LANCL3: variants seen among roughly 807,000 people sequenced by gnomAD.
LANCL3 encodes lanC-like protein 3.
In LANCL3, 19 loss-of-function variants were observed where a neutral mutation model predicts 26.5. The ratio of observed to expected loss-of-function variants is 0.72; its 90% confidence interval spans 0.50 to 1.05. LANCL3 has a LOEUF of 1.05. LANCL3 is among the 50% of genes least tolerant of loss of function. LANCL3 has a pLI of 0.00. For synonymous variants in LANCL3, 160 were observed against 166.6 expected (o/e 0.96, Z 0.30); for missense variants, 318 against 362.7 (o/e 0.88, Z 1.00).
Position 37,681,180 on chromosome X carries a change from A to T in LANCL3, c.*5367A>T, listed in dbSNP as rs1476331865. 2.7e-5 allele frequency: 3 copies of T among 112,518 alleles called. No homozygotes were observed. The highest frequency in any genetic ancestry group is 5.6e-5 in the Non-Finnish European group (3 of 53,294). 9.3% of individuals were successfully genotyped at this position (112,518 alleles called of 1,213,427 possible). A position where few individuals can be genotyped will look rare whatever the true frequency, so the allele number is the denominator to read the frequency against. ...ATTTTCTAGTAGCTACCAAAAAGGT[A>T]AAAGAAAAAGATGAAATTAATTTTA... On this transcript the variant is annotated 3_prime_UTR_variant, in exon 5 of 5. Transcript: ENST00000378619.
chrX:37,647,509 C>T (rs1926020058), intron 1 of LANCL3, among the ~76,000 whole-genome samples: 1 of 112,083 alleles, frequency 8.9e-6, no homozygotes, highest in African/African-American at 3.2e-5. Flanking sequence ...GAAGCCTATC[C>T]TACCAACAGG....
intron 1 of LANCL3, among the ~76,000 whole-genome samples, chrX:37,580,000 T>C (rs1245016936): frequency 9.0e-6 from 1 of 111,683 alleles, no homozygotes; most frequent in Admixed American, 9.6e-5. Context: ...AGAAACTGAG[T>C]CCCTTTATTG....
At chrX:37,585,635 T>A (rs1267567255) in intron 1 of LANCL3, among the ~76,000 whole-genome samples, 31 of 111,786 alleles carry the variant, frequency 2.8e-4, no homozygotes, top group Non-Finnish European at 5.3e-4. Flanking sequence ...CTTTTTTTGT[T>A]TTCCATTTGC....
At chrX:37,665,705 C>A (rs1270251422) in intron 3 of LANCL3, among the ~76,000 whole-genome samples, 1 of 111,652 alleles carries the variant, frequency 9.0e-6, no homozygotes, top group Non-Finnish European at 1.9e-5. Context: ...AGGCCCATAG[C>A]AAAATGAAAA....
At chrX:37,647,025 A>G (rs782334746) in intron 1 of LANCL3, among the ~76,000 whole-genome samples, 2 of 112,279 alleles carry the variant, frequency 1.8e-5, no homozygotes, top group East Asian at 5.6e-4. Context: ...TATTAAAAAT[A>G]CCCAGGAGGC....
chrX:37,669,122 G>A (rs1166715498), intron 4 of LANCL3, among the ~76,000 whole-genome samples: 1 of 111,933 alleles, frequency 8.9e-6, no homozygotes, highest in Non-Finnish European at 1.9e-5. Flanking sequence ...ATGTATATGT[G>A]TACATGTATA....
chrX:37,650,811 C>T (rs1192813560), intron 1 of LANCL3, among the ~76,000 whole-genome samples: 2 of 107,106 alleles, frequency 1.9e-5, no homozygotes, highest in African/African-American at 6.9e-5. Context: ...CATATGTATA[C>T]ATGTGCCATG....
chrX:37,615,205 G>A (rs55908764), intron 1 of LANCL3, among the ~76,000 whole-genome samples: 6,723 of 111,400 alleles, frequency 0.06, 356 homozygotes, highest in African/African-American at 0.18. Context: ...GAAGTCCCCA[G>A]GGGATTTTGT....
At chrX:37,620,716 G>T (rs1556422177) in intron 1 of LANCL3, among the ~76,000 whole-genome samples, 2 of 111,746 alleles carry the variant, frequency 1.8e-5, no homozygotes, top group African/African-American at 6.5e-5. Flanking sequence ...CAGAAATGGG[G>T]ACAAGACTGC....
In LANCL3 at chrX:37,572,036, G is replaced by C; in HGVS notation, c.166G>C (p.Ala56Pro). The change falls in exon 1 of 5, where the codon GCG (alanine) becomes CCG (proline). Residue 56 changes from alanine (A) to proline (P), a missense_variant. By Grantham distance (27) the Ala-to-Pro change is conservative (BLOSUM62 -1). Transcript: ENST00000378619. ...CGGCGCGGAGGCCCGAGGGGCGACG[G>C]CGGGGGCTAGCGCCTGCCAGGGGGG... ...GGGAEARGAT[A>P]GASACQGGLY... 2 of 1,178,869 alleles carry C rather than the reference G, an allele frequency of 1.7e-6. No individual in the cohort carries two copies. The highest frequency in any genetic ancestry group is 2.3e-6 in the Non-Finnish European group (2 of 880,036).
chrX:37,669,951 A>C (rs891419861), intron 4 of LANCL3, among the ~76,000 whole-genome samples: 1 of 112,120 alleles, frequency 8.9e-6, no homozygotes, highest in African/African-American at 3.2e-5. Context: ...GACATTCTTT[A>C]TTTCATTTTG....
chrX:37,618,373 T>C (rs782571327), intron 1 of LANCL3, among the ~76,000 whole-genome samples: 26 of 112,033 alleles, frequency 2.3e-4, no homozygotes, highest in Admixed American at 3.8e-4. Flanking sequence ...ACACTATTAG[T>C]GGTGATTAGT....
chrX:37,654,109 T>G (rs1345956260), intron 1 of LANCL3, among the ~76,000 whole-genome samples: 1 of 112,121 alleles, frequency 8.9e-6, no homozygotes, highest in Admixed American at 9.4e-5. Context: ...TTTCTCAAAT[T>G]TCTCCACAAC....
intron 1 of LANCL3, among the ~76,000 whole-genome samples, chrX:37,643,450 C>A (rs1274963137): frequency 8.9e-6 from 1 of 112,145 alleles, no homozygotes; most frequent in Non-Finnish European, 1.9e-5. Flanking sequence ...AAGACCGCCT[C>A]AGCCTGACTT....
chrX:37,572,160 A>T lies in LANCL3; in HGVS notation c.290A>T (p.Lys97Met), dbSNP rs781894430. The T allele has an allele frequency of 3.9e-5, 46 of 1,189,981 alleles. No individual in the cohort carries two copies. Among genetic ancestry groups the T allele is most frequent in the South Asian group, 1.8e-4 (10 of 55,399 alleles). Residue 97 changes from lysine to methionine, a missense_variant, in exon 1 of 5, where the codon AAG (lysine) becomes ATG (methionine). Transcript: ENST00000378619. ...TARERYLRSA[K>M]RLIDACARAE... ...CGGGAACGCTACCTGCGCTCGGCTAAGCGCCTCATCGACGCGTGCGCCCGC... is the reference window on the plus strand; with the variant it reads ...CGGGAACGCTACCTGCGCTCGGCTATGCGCCTCATCGACGCGTGCGCCCGC...
At chrX:37,631,750 A>G (rs1229985858) in intron 1 of LANCL3, among the ~76,000 whole-genome samples, 1 of 111,279 alleles carries the variant, frequency 9.0e-6, no homozygotes, top group Non-Finnish European at 1.9e-5. Flanking sequence ...GTTTCCATGT[A>G]GTTGAGCGGT....
chrX:37,631,392 C>A (rs1925504894), intron 1 of LANCL3, among the ~76,000 whole-genome samples: 1 of 111,370 alleles, frequency 9.0e-6, no homozygotes, highest in African/African-American at 3.3e-5. Flanking sequence ...TTGATCTTTT[C>A]AAAAAACTAG....
intron 1 of LANCL3, among the ~76,000 whole-genome samples, chrX:37,653,457 A>C (rs187799152): frequency 8.9e-6 from 1 of 112,448 alleles, no homozygotes; most frequent in East Asian, 2.8e-4. Context: ...TTCCTCTGTC[A>C]TATGGATTCA....
intron 1 of LANCL3, among the ~76,000 whole-genome samples, chrX:37,628,271 CTT>C (rs782549791): frequency 6.5e-4 from 72 of 111,039 alleles, no homozygotes; most frequent in African/African-American, 2.1e-3. Flanking sequence ...CGTAAGGTAA[CTT>C]TAATCATGAG....
Sources: allele counts gnomAD v4.1 joint callset (sites outside exome capture counted in the v4.1 genomes callset), GRCh38; gene constraint gnomAD v4.1.1; transcripts MANE v1.5; gene names NCBI Gene and HGNC (gene_info 2026-07-23, HGNC 2026-07-21).